The following ERC2 variants were observed in gnomAD, a reference collection of about 807,000 sequenced individuals.
The protein encoded by ERC2 is ERC protein 2.
A neutral mutation model predicts 114.8 loss-of-function variants in ERC2; 42 were observed. The ratio of observed to expected loss-of-function variants is 0.37; its 90% CI spans 0.29 to 0.47. The LOEUF (loss-of-function observed/expected upper bound fraction) is 0.47, where lower values mean the gene tolerates loss of function less well. Among genes scored for constraint, ERC2 ranks in the 20% least tolerant of loss-of-function variants. The pLI, the probability that ERC2 is intolerant of heterozygous loss-of-function variation, is 0.99. For synonymous variants in ERC2, 454 were observed against 425.5 expected (o/e 1.07, Z -0.82); for missense variants, 939 against 1,150.7 (o/e 0.82, Z 2.66).
intron 3 of ERC2, among the ~76,000 whole-genome samples, chr3:56,226,961 C>T (rs2050286593): frequency 1.3e-5 from 2 of 152,166 alleles, no homozygotes; most frequent in Admixed American, 1.3e-4. Flanking sequence ...CTTATGCAAA[C>T]ACACTTCTCT....
chr3:55,742,029 T>C (rs1222849468), intron 14 of ERC2, among the ~76,000 whole-genome samples: 2 of 151,804 alleles, frequency 1.3e-5, no homozygotes, highest in Admixed American at 1.3e-4. Flanking sequence ...AAACTGTCAT[T>C]CAGTGTGTAG....
chr3:56,282,144 T>G (rs1212038643), intron 3 of ERC2, among the ~76,000 whole-genome samples: 1 of 152,198 alleles, frequency 6.6e-6, no homozygotes, highest in African/African-American at 2.4e-5. Context: ...CAGAGAAAAC[T>G]GCTGATTAAA....
At chr3:56,082,294 A>G (rs2077275353) in intron 6 of ERC2, among the ~76,000 whole-genome samples, 1 of 152,184 alleles carries the variant, frequency 6.6e-6, no homozygotes, top group Admixed American at 6.5e-5. Flanking sequence ...AGAAGCCCAA[A>G]GGAATTCATT....
intron 2 of ERC2, among the ~76,000 whole-genome samples, chr3:56,340,649 C>T (rs1310154985): frequency 6.6e-6 from 1 of 151,374 alleles, no homozygotes; most frequent in Non-Finnish European, 1.5e-5. Context: ...TTTCTTTTAA[C>T]AGCATGCATA....
rs561933762 is a variant in ERC2, at chr3:56,111,422, C to CT, written c.1473+28086dup. Among the ~76,000 whole-genome samples the CT allele has an allele frequency of 3.9e-3, 592 of 151,886 alleles. 10 individuals are homozygous for CT. Among genetic ancestry groups the CT allele is most frequent in the African/African-American group, 0.014 (568 of 41,420 alleles). On this transcript the variant is annotated intron_variant, in intron 6 of 17. Transcript: ENST00000288221. Reference sequence around the variant, plus strand: ...CTCTCTCTCTCAGTTCTATCCCCCCCTCTCTCTCACCAGCTCCAAGAGTGC... The same window carrying CT: ...CTCTCTCTCTCAGTTCTATCCCCCCCTTCTCTCTCACCAGCTCCAAGAGTGC...
chr3:55,845,551 CT>C (rs2061328803), intron 14 of ERC2, among the ~76,000 whole-genome samples: 2 of 145,584 alleles, frequency 1.4e-5, no homozygotes, highest in African/African-American at 5.0e-5. Context: ...AGTAGGACTT[CT>C]TTTTTTAGGA....
intron 12 of ERC2, among the ~76,000 whole-genome samples, chr3:55,964,581 C>T (rs1246900861): frequency 6.6e-6 from 1 of 152,082 alleles, no homozygotes; most frequent in African/African-American, 2.4e-5. Flanking sequence ...TAAACCAGCA[C>T]TGAATTAGGT....
At chr3:55,726,072 G>A (rs946915335) in intron 15 of ERC2, among the ~76,000 whole-genome samples, 2 of 152,320 alleles carry the variant, frequency 1.3e-5, no homozygotes, top group Non-Finnish European at 2.9e-5. Flanking sequence ...GGGTTCTCTA[G>A]AATAGACTGT....
chr3:55,979,816 G>A (rs1000676373), intron 12 of ERC2, among the ~76,000 whole-genome samples: 28 of 152,086 alleles, frequency 1.8e-4, no homozygotes, highest in African/African-American at 6.3e-4. Context: ...CATGGTGGTA[G>A]GCCTGTAGTT....
chr3:56,175,120 C>T (rs1014577547), intron 3 of ERC2, among the ~76,000 whole-genome samples: 2 of 152,158 alleles, frequency 1.3e-5, no homozygotes, highest in East Asian at 1.9e-4. Flanking sequence ...ATTATATTTG[C>T]CAGTGGCCCA....
intron 14 of ERC2, among the ~76,000 whole-genome samples, chr3:55,735,974 T>C (rs1338871784): frequency 2.6e-5 from 4 of 152,164 alleles, no homozygotes; most frequent in Non-Finnish European, 5.9e-5. Context: ...CTTCTTTCTC[T>C]ATCCAGAGCC....
intron 3 of ERC2, among the ~76,000 whole-genome samples, chr3:56,191,390 C>T (rs558822347): frequency 7.2e-5 from 11 of 152,278 alleles, no homozygotes; most frequent in East Asian, 5.8e-4. Context: ...CTCTGGCACA[C>T]GGCTGAAATA....
rs772972536 is a variant in ERC2 at position 55,992,044 on chromosome 3, CTG to C, written c.2255+11_2255+12del. On this transcript the variant is annotated intron_variant, in intron 11 of 17. Transcript: ENST00000288221. ...CTCTCACTGCCAACAATTTATATAA[CTG>C]TAAAATTTACCTCTCCAGTTCTGCG... The C allele has an allele frequency of 2.5e-6, 4 of 1,609,990 alleles. No individual in the cohort carries two copies. The highest frequency in any genetic ancestry group is 2.2e-5 in the East Asian group (1 of 44,808).
At chr3:56,250,446 T>C (rs145666890) in intron 3 of ERC2, among the ~76,000 whole-genome samples, 6 of 152,322 alleles carry the variant, frequency 3.9e-5, no homozygotes, top group Non-Finnish European at 7.4e-5. Context: ...AAGAATCTTT[T>C]CCTGGAATAA....
chr3:55,616,810 G>A (rs2059139922), intron 17 of ERC2, among the ~76,000 whole-genome samples: 1 of 151,988 alleles, frequency 6.6e-6, no homozygotes, highest in African/African-American at 2.4e-5. Flanking sequence ...GTGGAACCCA[G>A]GAGTGCCTGA....
chr3:56,293,676 G>T (rs2055238496), intron 3 of ERC2, among the ~76,000 whole-genome samples: 1 of 152,140 alleles, frequency 6.6e-6, no homozygotes, highest in South Asian at 2.1e-4. Context: ...TACTCACTTT[G>T]GTCTGATGCT....
intron 17 of ERC2, among the ~76,000 whole-genome samples, chr3:55,622,942 C>T (rs538984249): frequency 3.3e-5 from 5 of 152,250 alleles, no homozygotes; most frequent in Admixed American, 6.5e-5. Context: ...CATTCTGATT[C>T]AACACAAAAT....
At chr3:55,997,912 G>GTT (rs2071697208) in intron 10 of ERC2, among the ~76,000 whole-genome samples, 11 of 19,706 alleles carry the variant, frequency 5.6e-4, no homozygotes, top group East Asian at 1.3e-3. Flanking sequence ...TTTTTTGTGT[G>GTT]TGTGTGTGTG....
intron 17 of ERC2, among the ~76,000 whole-genome samples, chr3:55,561,120 A>T (rs188831498): frequency 5.9e-5 from 9 of 151,908 alleles, no homozygotes; most frequent in Admixed American, 5.9e-4. Flanking sequence ...GCACAGTCAC[A>T]GCAGAAAGCT....
Sources: allele counts gnomAD v4.1 joint callset (sites outside exome capture counted in the v4.1 genomes callset), GRCh38; gene constraint gnomAD v4.1.1; transcripts MANE v1.5; gene names NCBI Gene and HGNC (gene_info 2026-07-23, HGNC 2026-07-21).